The following CRB1 variants were observed in gnomAD, a reference collection of about 807,000 sequenced individuals.
CRB1 encodes protein crumbs homolog 1.
A neutral mutation model predicts 120.0 loss-of-function variants in CRB1; 83 were observed. The ratio of observed to expected loss-of-function variants is 0.69; its 90% CI spans 0.58 to 0.83. The LOEUF (loss-of-function observed/expected upper bound fraction) is 0.83, where lower values mean the gene tolerates loss of function less well. Among genes scored for constraint, CRB1 ranks in the 40% least tolerant of loss-of-function variants. CRB1 has a pLI of 0.00. For missense variants in CRB1, 1,699 were observed against 1,687.6 expected (o/e 1.01, Z -0.12); for synonymous variants, 625 against 612.5 (o/e 1.02, Z -0.30).
At chr1:197,361,411 T>C (rs1660761770) in intron 5 of CRB1, among the ~76,000 whole-genome samples, 1 of 152,140 alleles carries the variant, frequency 6.6e-6, no homozygotes, top group Non-Finnish European at 1.5e-5. Flanking sequence ...ATTGCAAATT[T>C]AATTTCAGTA....
rs1355207647 is a variant in CRB1 at position 197,442,259 on chromosome 1, T to C, written c.3972T>C (p.Asp1324=). 2 of 1,614,088 alleles carry C rather than the reference T, an allele frequency of 1.2e-6. No homozygotes were observed. The highest frequency in any genetic ancestry group is 2.7e-5 in the African/African-American group (2 of 74,932). ...DLLNKFQCLC[D]VAFAGERCEV... ...TCAACAAATTCCAGTGCCTCTGTGA[T>C]GTTGCCTTTGCTGGCGAGCGCTGCG... Residue 1324 remains aspartate, a synonymous_variant, in exon 11 of 12, where the codon GAT becomes GAC. Transcript: ENST00000367400.
intron 5 of CRB1, among the ~76,000 whole-genome samples, chr1:197,404,771 A>T (rs532679734): frequency 1.3e-5 from 2 of 152,300 alleles, no homozygotes; most frequent in East Asian, 3.9e-4. Context: ...ACTTGTTTAC[A>T]TTGCTTCAAT....
At chr1:197,280,505 T>C (rs754650262) in intron 1 of CRB1, among the ~76,000 whole-genome samples, 9 of 151,864 alleles carry the variant, frequency 5.9e-5, no homozygotes, top group Non-Finnish European at 1.0e-4. Context: ...TGACTGATGA[T>C]AGAATTTCAG....
chr1:197,476,698 AAC>A (rs1405491815), intron 11 of CRB1, among the ~76,000 whole-genome samples: 1 of 152,194 alleles, frequency 6.6e-6, no homozygotes, highest in East Asian at 1.9e-4. Flanking sequence ...TAGGATGTTA[AAC>A]ACAGATTTCA....
Position 197,435,203 on chromosome 1 carries a change from C to A in CRB1, c.3340C>A (p.His1114Asn). ...GIYLSYFENV[H>N]GFINKPQEEQ... ...TTATCTCTCTTACTTTGAAAATGTT[C>A]ATGGTTTCATTAATAAACCTCAGGA... The change falls in exon 9 of 12, where the codon CAT becomes AAT. Residue 1114 changes from histidine (H) to asparagine (N), a missense_variant. Physicochemically the swap from His to Asn is moderately conservative, Grantham distance 68. Coordinates refer to ENST00000367400, the MANE Select transcript of CRB1 (RefSeq NM_201253.3). 6.2e-7 allele frequency: 1 copy of A among 1,613,864 alleles called. No individual in the cohort carries two copies. Among genetic ancestry groups the A allele is most frequent in the Non-Finnish European group, 8.5e-7 (1 of 1,179,844 alleles).
intron 1 of CRB1, among the ~76,000 whole-genome samples, chr1:197,275,765 T>A (rs1655174327): frequency 6.6e-6 from 1 of 152,026 alleles, no homozygotes; most frequent in African/African-American, 2.4e-5. Context: ...CCTACTTTTT[T>A]TCACAAACTG....
chr1:197,320,608 A>G (rs1357442732), intron 1 of CRB1, among the ~76,000 whole-genome samples: 1 of 152,144 alleles, frequency 6.6e-6, no homozygotes, highest in Non-Finnish European at 1.5e-5. Flanking sequence ...TTTTCAAGAG[A>G]AAGAAAGATG....
the CRB1 span, among the ~76,000 whole-genome samples, chr1:197,255,965 T>TTATATATATATATATATA: frequency 6.0e-3 from 514 of 85,180 alleles, 12 homozygotes; most frequent in Middle Eastern, 0.024. Context: ...ATAGAACATT[T>TTATATATATATATATATA]TATATATATA....
At chr1:197,241,720 T>C in the CRB1 span, among the ~76,000 whole-genome samples, 1 of 151,448 alleles carries the variant, frequency 6.6e-6, no homozygotes, top group Non-Finnish European at 1.5e-5. Context: ...TTTTTTCTAA[T>C]TCTCTGAACA....
rs753941757 is a variant in CRB1, at chr1:197,435,578, C to T, written c.3715C>T (p.Leu1239Phe). 1 of 1,613,238 alleles carries T rather than the reference C, an allele frequency of 6.2e-7. No individual in the cohort carries two copies. Residue 1239 changes from leucine to phenylalanine, a missense_variant, in exon 9 of 12, where the codon CTC becomes TTC. Transcript: ENST00000367400. ...CISHTNGYSCLCFGNFTGKFC... is the reference protein window; with the variant it reads ...CISHTNGYSCFCFGNFTGKFC... ...TAGTCATACTAATGGCTATTCTTGC[C>T]TCTGTTTTGGAAATTTTACAGGAAA...
At chr1:197,348,828 C>T (rs887221172) in intron 4 of CRB1, among the ~76,000 whole-genome samples, 3 of 152,004 alleles carry the variant, frequency 2.0e-5, no homozygotes, top group African/African-American at 7.3e-5. Context: ...TTAAGCTAAG[C>T]ATTATTTAAG....
At chr1:197,309,529 C>T (rs377466296) in intron 1 of CRB1, among the ~76,000 whole-genome samples, 9 of 152,048 alleles carry the variant, frequency 5.9e-5, no homozygotes, top group South Asian at 4.2e-4. Context: ...CCGAGGCGGG[C>T]GGATCAGGAG....
chr1:197,438,788 T>G, intron 10 of CRB1, 113 bp downstream of exon 10: 1 of 1,366,066 alleles, frequency 7.3e-7, no homozygotes, highest in Non-Finnish European at 1.0e-6. Context: ...GGAAAATCTA[T>G]GCTGAAATAG....
chr1:197,272,812 T>C (rs1028002491), intron 1 of CRB1, among the ~76,000 whole-genome samples: 1 of 152,148 alleles, frequency 6.6e-6, no homozygotes, highest in Non-Finnish European at 1.5e-5. Flanking sequence ...AGAATAGTAA[T>C]TATTCTGCAT....
At chr1:197,429,713 A>C (rs1195300745) in intron 8 of CRB1, 99 bp downstream of exon 8, 5 of 1,253,678 alleles carry the variant, frequency 4.0e-6, no homozygotes. Context: ...AAGCCAGTTT[A>C]TTAAATTAAT....
intron 1 of CRB1, among the ~76,000 whole-genome samples, chr1:197,323,826 G>A (rs1250360228): frequency 6.6e-6 from 1 of 152,124 alleles, no homozygotes; most frequent in Non-Finnish European, 1.5e-5. Flanking sequence ...CCTGTGCTTA[G>A]GTGTGTAGGC....
intron 1 of CRB1, among the ~76,000 whole-genome samples, chr1:197,306,046 C>G (rs1657155172): frequency 6.6e-6 from 1 of 151,920 alleles, no homozygotes; most frequent in African/African-American, 2.4e-5. Flanking sequence ...AGTGTTCAGT[C>G]CTAATATTGG....
intron 5 of CRB1, among the ~76,000 whole-genome samples, chr1:197,368,647 A>G (rs1661207259): frequency 6.6e-6 from 1 of 152,212 alleles, no homozygotes; most frequent in Admixed American, 6.5e-5. Context: ...TGTAGACCCT[A>G]TGACAGAGAT....
chr1:197,337,373 A>G (rs1444029329), intron 2 of CRB1, among the ~76,000 whole-genome samples: 2 of 152,190 alleles, frequency 1.3e-5, no homozygotes, highest in Admixed American at 6.5e-5. Context: ...TGGTGGAAAG[A>G]CAAATTTGGA....
Sources: gnomAD v4.1 joint callset for allele counts (sites outside exome capture counted in the v4.1 genomes callset) on GRCh38, gnomAD v4.1.1 for gene constraint, MANE v1.5 for transcripts, NCBI Gene and HGNC (gene_info 2026-07-23, HGNC 2026-07-21) for gene names.